AVEN: variants seen among roughly 807,000 people sequenced by gnomAD.
AVEN encodes the protein apoptosis and caspase activation inhibitor, also known as cell death regulator Aven.
Under a neutral mutation model 38.1 loss-of-function variants are expected in AVEN, and 41 were observed. The ratio of observed to expected loss-of-function variants is 1.08; its 90% CI spans 0.84 to 1.40. The LOEUF is 1.40. Ranked by LOEUF, AVEN falls within the 40% of genes most tolerant of loss-of-function variation. The pLI is 0.00. For missense variants in AVEN, 605 were observed against 438.8 expected, an observed-to-expected ratio of 1.38 and a Z score of -3.38; for synonymous variants, 206 against 171.8, an observed-to-expected ratio of 1.20 and a Z score of -1.56.
chr15:33,873,452 G>C lies in AVEN; in HGVS notation c.517-2422C>G, dbSNP rs145856848. ...ACACTGAGGACATGGGATGGTATAA[G>C]GAACAACAAATTACATATATGTGTG... On this transcript the variant is annotated intron_variant, in intron 3 of 5. Coordinates refer to ENST00000306730, the MANE Select transcript of AVEN (RefSeq NM_020371.3). Among the ~76,000 whole-genome samples, 548 of 147,730 alleles carry C rather than the reference G, an allele frequency of 3.7e-3. 1 individual carries two copies. Among genetic ancestry groups the C allele is most frequent in the Middle Eastern group, 0.015 (4 of 274 alleles).
intron 5 of AVEN, among the ~76,000 whole-genome samples, chr15:34,059,222 A>C (rs1203718557): frequency 6.6e-6 from 1 of 152,190 alleles, no homozygotes; most frequent in Non-Finnish European, 1.5e-5. Context: ...ATGAGGAAAC[A>C]GATGAAAAAG....
intron 1 of AVEN, among the ~76,000 whole-genome samples, chr15:34,016,157 T>C (rs1897900179): frequency 6.6e-6 from 1 of 152,130 alleles, no homozygotes. Context: ...ACGCCTGTAA[T>C]TCCAGCTACT....
intron 2 of AVEN, chr15:33,991,388 G>A (rs1896716759): frequency 6.6e-6 from 1 of 152,098 alleles, no homozygotes; most frequent in Admixed American, 6.5e-5. Context: ...ATAAATGCTT[G>A]AGAGGATGGA....
chr15:33,922,569 G>A (rs770601953), intron 2 of AVEN, among the ~76,000 whole-genome samples: 25 of 152,134 alleles, frequency 1.6e-4, no homozygotes, highest in Middle Eastern at 6.8e-3. Context: ...TGAGCAGCTG[G>A]GACTACTGGC....
chr15:34,049,537 T>C lies in AVEN; in HGVS notation n.1637+13385A>G, dbSNP rs530200284. Among the ~76,000 whole-genome samples, 323 of 152,186 alleles carry C rather than the reference T, an allele frequency of 2.1e-3. 4 individuals are homozygous for C. In the South Asian group the frequency reaches 0.026, roughly 12 times the overall value. On this transcript the variant is annotated intron_variant and non_coding_transcript_variant, in intron 5 of 11. Coordinates refer to the AVEN transcript ENST00000675287. ...GAATGAAAAGGATCATGGGATTATG[T>C]AAAGCAAAACCCATGACTGATTGGG...
At chr15:33,877,484 T>C (rs1263496715) in intron 2 of AVEN, among the ~76,000 whole-genome samples, 2 of 152,104 alleles carry the variant, frequency 1.3e-5, no homozygotes, top group East Asian at 3.8e-4. Flanking sequence ...TCTTAAAAAA[T>C]AAATGGCTCT....
chr15:33,861,134 T>G, intron 11 of AVEN: 1 of 1,597,630 alleles, frequency 6.3e-7, no homozygotes, highest in South Asian at 1.1e-5. Context: ...CCCCTCATGG[T>G]TTTGAAACAC....
chr15:33,863,197 C>T (rs1403138800), downstream of AVEN, among the ~76,000 whole-genome samples: 1 of 152,162 alleles, frequency 6.6e-6, no homozygotes, highest in African/African-American at 2.4e-5. Context: ...GTGTTTGAGC[C>T]TCCCACCTAA....
At chr15:33,968,092 C>A (rs1895461619) in intron 2 of AVEN, among the ~76,000 whole-genome samples, 2 of 15,542 alleles carry the variant, frequency 1.3e-4, no homozygotes, top group Non-Finnish European at 1.8e-4. Context: ...TAATGCCTAG[C>A]AAAGCTTAAA....
chr15:33,923,129 G>A (rs925171153), intron 2 of AVEN, among the ~76,000 whole-genome samples: 1 of 100,006 alleles, frequency 1.0e-5, no homozygotes, highest in Non-Finnish European at 2.4e-5. Context: ...ATTAAAATAG[G>A]ATAAGCTAAG....
chr15:34,014,789 A>T (rs1028583188), intron 1 of AVEN, among the ~76,000 whole-genome samples: 9 of 152,184 alleles, frequency 5.9e-5, no homozygotes, highest in African/African-American at 2.2e-4. Flanking sequence ...AGGCTGAAGG[A>T]GCTGAGAATG....
exon 12 of AVEN, chr15:33,859,010 CTTTCTCTGTGAGTCTAATCA>C (rs141678040): frequency 0.033 from 4,986 of 153,044 alleles, 163 homozygotes; most frequent in Non-Finnish European, 0.039. Flanking sequence ...TAAGACGGTC[CTTTCTCTGTGAGTCTAATCA>C]ACCCATCAGG....
At chr15:33,974,367 G>C (rs1261097140) in intron 2 of AVEN, among the ~76,000 whole-genome samples, 1 of 152,170 alleles carries the variant, frequency 6.6e-6, no homozygotes, top group African/African-American at 2.4e-5. Context: ...TGTGAGGAAT[G>C]AATCTTTGCA....
rs1567387006 is a variant in AVEN at position 33,871,004 on chromosome 15, CTCACTA to C, written c.537_542del (p.Asp179_Ser180del). The C allele has an allele frequency of 1.2e-6, 2 of 1,603,820 alleles. No individual in the cohort carries two copies. Among genetic ancestry groups the C allele is most frequent in the Non-Finnish European group, 1.7e-6 (2 of 1,174,090 alleles). ...GCTCTTGAAGGGCTCGAACCAATAACTCACTATCCACATAAAATGCTGAATTCTATA... is the reference window on the plus strand; with the variant it reads ...GCTCTTGAAGGGCTCGAACCAATAACTCCACATAAAATGCTGAATTCTATA... On this transcript the variant is annotated inframe_deletion, in exon 4 of 6. Transcript: ENST00000306730.
chr15:33,857,921 GCCCACCCACTGCGGGGCCAGC>G (rs1459572965), downstream of AVEN: 8 of 1,380,586 alleles, frequency 5.8e-6, no homozygotes, highest in Non-Finnish European at 7.7e-6. Context: ...GACGGTGAGA[GCCCACCCACTGCGGGGCCAGC>G]CCACCCACTG....
At chr15:34,015,300 A>G (rs919035580) in intron 1 of AVEN, among the ~76,000 whole-genome samples, 3 of 151,988 alleles carry the variant, frequency 2.0e-5, no homozygotes, top group African/African-American at 7.2e-5. Flanking sequence ...TGGCTAACAC[A>G]GTGAAACCCC....
At chr15:33,959,379 T>C (rs1436373730) in intron 2 of AVEN, among the ~76,000 whole-genome samples, 3 of 152,166 alleles carry the variant, frequency 2.0e-5, no homozygotes, top group African/African-American at 7.2e-5. Context: ...TTTCAATAGG[T>C]CCCTCTTGTC....
intron 1 of AVEN, among the ~76,000 whole-genome samples, chr15:34,024,431 C>T (rs1004522110): frequency 6.7e-6 from 1 of 148,464 alleles, no homozygotes; most frequent in African/African-American, 2.5e-5. Flanking sequence ...CAAGACTGCA[C>T]CACTGCCCTC....
chr15:33,862,803 G>A (rs1194348685), downstream of AVEN, among the ~76,000 whole-genome samples: 1 of 152,092 alleles, frequency 6.6e-6, no homozygotes, highest in Non-Finnish European at 1.5e-5. Flanking sequence ...TAGAGACAGG[G>A]TTTCACCGTG....
Sources: allele counts gnomAD v4.1 joint callset (sites outside exome capture counted in the v4.1 genomes callset), GRCh38; gene constraint gnomAD v4.1.1; transcripts MANE v1.5; gene names NCBI Gene and HGNC (gene_info 2026-07-23, HGNC 2026-07-21).